USP44: variants seen among roughly 807,000 people sequenced by gnomAD.
The protein encoded by USP44 is ubiquitin specific peptidase 44.
In USP44, 61 loss-of-function variants were observed where a neutral mutation model predicts 69.0. That is an observed-to-expected ratio of 0.88 (90% CI 0.72 to 1.09). The LOEUF (loss-of-function observed/expected upper bound fraction) is 1.09, where lower values mean the gene tolerates loss of function less well. USP44 is among the 50% of genes least tolerant of loss of function. The pLI is 0.00. For synonymous variants in USP44, 297 were observed against 295.4 expected, an observed-to-expected ratio of 1.01 and a Z score of -0.06; for missense variants, 753 against 849.9, an observed-to-expected ratio of 0.89 and a Z score of 1.42.
At chr12:95,520,832 A>G (rs1446982072) in intron 5 of USP44, among the ~76,000 whole-genome samples, 165 bp downstream of exon 5, 1 of 152,336 alleles carries the variant, frequency 6.6e-6, no homozygotes, top group East Asian at 1.9e-4. Context: ...AAAATATTTC[A>G]TGCATTAACT....
chr12:95,519,234 G>C (rs866313938), intron 5 of USP44, among the ~76,000 whole-genome samples: 1 of 152,110 alleles, frequency 6.6e-6, no homozygotes, highest in South Asian at 2.1e-4. Context: ...TATGCACTCT[G>C]TTAATGAAAC....
rs1350315131 is a variant in USP44 at position 95,518,096 on chromosome 12, T to TCA, written c.*56_*57dup. The TCA allele has an allele frequency of 7.1e-6, 11 of 1,560,062 alleles. No homozygotes were observed. The highest frequency in any genetic ancestry group is 9.6e-6 in the Non-Finnish European group (11 of 1,140,096). ...AAAAAATGAAGTTTAAAATGGTACA[T>TCA]CAGTCTTTTAAAAAGTATATATATA... On this transcript the variant is annotated 3_prime_UTR_variant, in exon 6 of 6. Coordinates refer to ENST00000258499, the MANE Select transcript of USP44 (RefSeq NM_032147.5).
In USP44 at chr12:95,519,432, A is replaced by T. The variant is rs75373753; in HGVS notation, c.1940-1079T>A. On this transcript the variant is annotated intron_variant, in intron 5 of 5. Coordinates refer to ENST00000258499, the MANE Select transcript of USP44 (RefSeq NM_032147.5). ...TTCAGACAAGGTATACTCAATCTGT[A>T]TTTTTTTTTTTTTTTTTTTTTTTTT... 9.9e-3 allele frequency among the ~76,000 whole-genome samples: 836 copies of T among 84,482 alleles called. 15 individuals carry two copies. The highest frequency in any genetic ancestry group is 0.038 in the African/African-American group (754 of 19,736). 55.4% of individuals were successfully genotyped at this position (84,482 alleles called of 152,430 possible).
At position 95,528,967 on chromosome 12, in the gene USP44, G is replaced by A; in HGVS notation, c.1464C>T (p.Thr488=). The change falls in exon 3 of 6, where the codon ACC becomes ACT. Residue 488 remains threonine (T), a synonymous_variant. Coordinates refer to ENST00000258499, the MANE Select transcript of USP44 (RefSeq NM_032147.5). ...ATGACAAGTCCCAGAAAGGTTCTATGGTATTTGATTTGTTGTCACATGCAA... is the reference window on the plus strand; with the variant it reads ...ATGACAAGTCCCAGAAAGGTTCTATAGTATTTGATTTGTTGTCACATGCAA... ...TCLACDNKSN[T]IEPFWDLSLE... The A allele has an allele frequency of 3.1e-6, 5 of 1,613,130 alleles. 1 individual carries two copies. The South Asian group carries it at 5.5e-5, about 18-fold the overall frequency.
chr12:95,543,473 C>T (rs2077462351), intron 1 of USP44, among the ~76,000 whole-genome samples: 4 of 144,460 alleles, frequency 2.8e-5, no homozygotes, highest in African/African-American at 1.0e-4. Flanking sequence ...GGCAACATAG[C>T]AAGACCCTGT....
Position 95,548,409 on chromosome 12 carries a change from C to G in USP44, c.-71+2863G>C, listed in dbSNP as rs2077644697. 1 of 152,806 alleles carries G rather than the reference C, an allele frequency of 6.5e-6. No homozygotes were observed. The highest frequency in any genetic ancestry group is 2.4e-5 in the African/African-American group (1 of 41,438). 9.5% of individuals were successfully genotyped at this position (152,806 alleles called of 1,614,324 possible). The stretch of plus-strand genomic sequence containing the variant: ...GAAGCCCCTTCCAGTCCCCGAAGCC[C>G]TCGCCCGCGCCCGTTCTCCCCCAGC... On this transcript the variant is annotated intron_variant, in intron 1 of 5. Transcript: ENST00000258499. The surrounding 1 kb of genome is among the most constrained non-coding windows in gnomAD (Gnocchi z 4.1).
chr12:95,524,732 G>A lies in USP44; in HGVS notation c.1681C>T (p.Leu561Phe), dbSNP rs780471913. 1.5e-5 allele frequency: 24 copies of A among 1,612,596 alleles called. No homozygotes were observed. Among genetic ancestry groups the A allele is most frequent in the Non-Finnish European group, 3.4e-6 (4 of 1,179,504 alleles). Residue 561 changes from leucine (L) to phenylalanine (F), a missense_variant, in exon 4 of 6, where the codon CTT becomes TTT. Coordinates refer to ENST00000258499, the MANE Select transcript of USP44 (RefSeq NM_032147.5). The part of the protein sequence containing the change: ...PVVLTEAQKQ[L>F]MICHLPQVLR... ...ACCTGAGGTAGGTGGCATATCATAAGTTGTTTCTGGGCTTCTGTGAGTACA... is the reference window on the plus strand; with the variant it reads ...ACCTGAGGTAGGTGGCATATCATAAATTGTTTCTGGGCTTCTGTGAGTACA...
At chr12:95,529,084 A>G in intron 2 of USP44, 82 bp from the exon 3 acceptor site, 4 of 1,249,704 alleles carry the variant, frequency 3.2e-6, no homozygotes, top group Non-Finnish European at 4.3e-6. Flanking sequence ...CACTGCCACT[A>G]AATAAACTTT....
At chr12:95,524,640 C>A in intron 4 of USP44, 40 bp downstream of exon 4, 1 of 1,466,498 alleles carries the variant, frequency 6.8e-7, no homozygotes, top group Non-Finnish European at 9.3e-7. Flanking sequence ...GCATTATAAG[C>A]ACAAGGAATG....
Position 95,533,215 on chromosome 12 carries a change from T to C in USP44, c.1042A>G (p.Arg348Gly), listed in dbSNP as rs7135642. The C allele has an allele frequency of 4.9e-3, 7,864 of 1,614,148 alleles. 340 individuals are homozygous for C. In the African/African-American group the frequency reaches 0.088, roughly 18 times the overall value. Residue 348 changes from arginine to glycine, a missense_variant, in exon 2 of 6, where the codon AGA becomes GGA. Coordinates refer to ENST00000258499, the MANE Select transcript of USP44 (RefSeq NM_032147.5). ...QEKDTGFVCSRQSSLSSGLSG... is the reference protein window; with the variant it reads ...QEKDTGFVCSGQSSLSSGLSG... ...AGTCCTGATGACAGACTTGATTGTC[T>C]GGAGCAAACAAAACCTGTATCTTTT... is the stretch of plus-strand genomic sequence containing the variant.
In USP44 at chr12:95,543,979, A is replaced by G. The variant is rs543034548; in HGVS notation, c.-71+7293T>C. 5.1e-3 allele frequency among the ~76,000 whole-genome samples: 764 copies of G among 148,492 alleles called. 15 individuals carry two copies. Among genetic ancestry groups the G allele is most frequent in the African/African-American group, 0.018 (718 of 40,376 alleles). On this transcript the variant is annotated intron_variant, in intron 1 of 5. Coordinates refer to ENST00000258499, the MANE Select transcript of USP44 (RefSeq NM_032147.5). ...GAGACTGCATCTCAAAAAAAAAAAA[A>G]AAAAAAAAAAGAAAAAAACCCAAAA...
At chr12:95,520,162 G>A (rs1315104012) in intron 5 of USP44, among the ~76,000 whole-genome samples, 4 of 151,330 alleles carry the variant, frequency 2.6e-5, no homozygotes, top group African/African-American at 7.3e-5. Context: ...GGGGTGGGGA[G>A]TTGGAGTTTC....
chr12:95,529,057 C>T (rs1388767655), intron 2 of USP44, 55 bp from the exon 3 acceptor site: 19 of 1,460,356 alleles, frequency 1.3e-5, no homozygotes, highest in Middle Eastern at 4.7e-4. Context: ...AAAACATTAA[C>T]TCTTTTCACT....
At position 95,533,521 on chromosome 12, in the gene USP44, G is replaced by A. The variant is rs886975004; in HGVS notation, c.736C>T (p.Leu246Phe). The change falls in exon 2 of 6, where the codon CTC (leucine) becomes TTC (phenylalanine). Residue 246 changes from leucine (L) to phenylalanine (F), a missense_variant. Leu to Phe is a conservative substitution (Grantham distance 22). Transcript: ENST00000258499. ...GATATTTCATTTTCTGAGGTAGAGAGTACTTTATCTTTTGCTGGTGATGCT... is the reference window on the plus strand; with the variant it reads ...GATATTTCATTTTCTGAGGTAGAGAATACTTTATCTTTTGCTGGTGATGCT... ...TPASPAKDKV[L>F]STSENEISQK... 5.0e-6 allele frequency: 8 copies of A among 1,613,964 alleles called. No individual in the cohort carries two copies. The East Asian group carries it at 1.6e-4, about 31-fold the overall frequency.
At position 95,517,271 on chromosome 12, in the gene USP44, CTCT is replaced by C. The variant is rs1319731013; in HGVS notation, c.*880_*882del. 2 of 151,776 alleles carry C rather than the reference CTCT, an allele frequency of 1.3e-5. No individual in the cohort carries two copies. Among genetic ancestry groups the C allele is most frequent in the African/African-American group, 2.4e-5 (1 of 41,312 alleles). 9.4% of individuals were successfully genotyped at this position (151,776 alleles called of 1,614,324 possible). ...TATCTTTTCTGCCCTATAATTTTTT[CTCT>C]TCAAGACTCTATTCCTTTGAACTAA... On this transcript the variant is annotated 3_prime_UTR_variant, in exon 6 of 6. Transcript: ENST00000258499.
rs113570604 is a variant in USP44, at chr12:95,542,903, A to G, written c.-71+8369T>C. On this transcript the variant is annotated intron_variant, in intron 1 of 5. Coordinates refer to ENST00000258499, the MANE Select transcript of USP44 (RefSeq NM_032147.5). ...GGAGATTGAGACCATCCTGTCTAAC[A>G]TGGTGAAACCCGTCTCTACTAAAAA... 9.4e-4 allele frequency among the ~76,000 whole-genome samples: 142 copies of G among 151,412 alleles called. 1 individual carries two copies. Among genetic ancestry groups the G allele is most frequent in the African/African-American group, 3.4e-3 (140 of 41,248 alleles).
chr12:95,543,824 A>G (rs2077473954), intron 1 of USP44, among the ~76,000 whole-genome samples: 1 of 151,254 alleles, frequency 6.6e-6, no homozygotes. Flanking sequence ...AAAATTAGCC[A>G]GGCGTAGTGG....
intron 2 of USP44, among the ~76,000 whole-genome samples, chr12:95,529,307 C>T (rs1309940782): frequency 6.6e-6 from 1 of 151,648 alleles, no homozygotes; most frequent in Non-Finnish European, 1.5e-5. Context: ...ACTATGTATA[C>T]ATATATACAT....
At chr12:95,539,379 C>T (rs983035347) in intron 1 of USP44, among the ~76,000 whole-genome samples, 1 of 152,066 alleles carries the variant, frequency 6.6e-6, no homozygotes, top group African/African-American at 2.4e-5. Flanking sequence ...GCGCCTGCCA[C>T]CACACCCAGC....
Sources: allele counts gnomAD v4.1 joint callset (sites outside exome capture counted in the v4.1 genomes callset), GRCh38; gene constraint gnomAD v4.1.1; non-coding constraint Gnocchi (gnomAD v3.1); transcripts MANE v1.5; gene names NCBI Gene and HGNC (gene_info 2026-07-23, HGNC 2026-07-21).